The following EPHA6 variants were observed in gnomAD, a reference collection of about 807,000 sequenced individuals.
EPHA6 encodes EPH receptor A6, also known as ephrin type-A receptor 6.
Under a neutral mutation model 112.0 loss-of-function variants are expected in EPHA6, and 50 were observed. The observed-to-expected ratio is 0.45, with a 90% confidence interval of 0.36 to 0.56. EPHA6 has a LOEUF of 0.56. Among genes scored for constraint, EPHA6 ranks in the 20% least tolerant of loss-of-function variants. EPHA6 has a pLI of 0.00. For synonymous variants in EPHA6, 529 were observed against 490.7 expected, an observed-to-expected ratio of 1.08 and a Z score of -1.03; for missense variants, 1,280 against 1,417.4, an observed-to-expected ratio of 0.90 and a Z score of 1.56.
intron 14 of EPHA6, among the ~76,000 whole-genome samples, 167 bp downstream of exon 14, chr3:97,638,249 T>TAAC (rs1053376841): frequency 2.0e-5 from 3 of 152,174 alleles, no homozygotes; most frequent in African/African-American, 4.8e-5. Context: ...GTCTAGTTTA[T>TAAC]AACAACAACA....
chr3:96,850,855 G>T (rs1206203058), intron 1 of EPHA6, among the ~76,000 whole-genome samples: 1 of 151,928 alleles, frequency 6.6e-6, no homozygotes, highest in Non-Finnish European at 1.5e-5. Context: ...AGCTCACAGA[G>T]ATTTTTGTAA....
At position 97,368,987 on chromosome 3, in the gene EPHA6, TATCTA is replaced by T. The variant is rs1428769883; in HGVS notation, c.1607-36161_1607-36157del. On this transcript the variant is annotated intron_variant, in intron 5 of 17. Transcript: ENST00000389672. ...CAAAGGTTAAAGAAAAAAGATCTGA[TATCTA>T]AGTTTATTTCTGAAGAATGAGAATA... Among the ~76,000 whole-genome samples the T allele has an allele frequency of 4.4e-4, 67 of 152,298 alleles. 1 individual carries two copies. Among genetic ancestry groups the T allele is most frequent in the African/African-American group, 1.3e-3 (56 of 41,578 alleles).
At chr3:97,648,129 T>G (rs2094080059) in intron 14 of EPHA6, among the ~76,000 whole-genome samples, 3 of 152,164 alleles carry the variant, frequency 2.0e-5, no homozygotes, top group South Asian at 4.1e-4. Flanking sequence ...TTGCATCGAT[T>G]TTGTGTTATC....
chr3:97,055,907 G>GA (rs1345743792), intron 3 of EPHA6, among the ~76,000 whole-genome samples: 1 of 152,052 alleles, frequency 6.6e-6, no homozygotes, highest in African/African-American at 2.4e-5. Context: ...AACTTGGGAA[G>GA]ATTTTGATCT....
At chr3:97,230,535 C>T (rs1472693115) in intron 4 of EPHA6, among the ~76,000 whole-genome samples, 1 of 151,988 alleles carries the variant, frequency 6.6e-6, no homozygotes, top group Admixed American at 6.6e-5. Flanking sequence ...CATGGCTGGG[C>T]AGAATTTTAG....
intron 14 of EPHA6, among the ~76,000 whole-genome samples, chr3:97,664,697 A>G (rs2094193602): frequency 6.6e-6 from 1 of 152,226 alleles, no homozygotes; most frequent in Admixed American, 6.5e-5. Flanking sequence ...AAAGAGCCAA[A>G]TCATGAGTGA....
intron 5 of EPHA6, among the ~76,000 whole-genome samples, chr3:97,295,637 A>G (rs946235496): frequency 4.9e-5 from 7 of 143,692 alleles, no homozygotes; most frequent in African/African-American, 1.8e-4. Context: ...TCTTGTCTTT[A>G]TGTTGTATCT....
chr3:97,346,046 TATACTG>T (rs1451598871), intron 5 of EPHA6, among the ~76,000 whole-genome samples: 1 of 152,156 alleles, frequency 6.6e-6, no homozygotes, highest in Non-Finnish European at 1.5e-5. Context: ...CATAAAAATC[TATACTG>T]CATTGGTGGA....
intron 7 of EPHA6, among the ~76,000 whole-genome samples, chr3:97,469,017 TG>T (rs2091146058): frequency 6.6e-6 from 1 of 151,778 alleles, no homozygotes; most frequent in African/African-American, 2.4e-5. Flanking sequence ...TAGAATAGTT[TG>T]GAGGCAAACG....
chr3:97,214,495 A>G (rs550208021), intron 3 of EPHA6, among the ~76,000 whole-genome samples: 79 of 151,522 alleles, frequency 5.2e-4, no homozygotes, highest in Non-Finnish European at 8.7e-4. Flanking sequence ...AAAAAAAAAA[A>G]AAAAGAAAAG....
At chr3:97,665,324 A>G (rs926847719) in intron 14 of EPHA6, among the ~76,000 whole-genome samples, 6 of 152,242 alleles carry the variant, frequency 3.9e-5, no homozygotes, top group Admixed American at 6.5e-5. Flanking sequence ...GTAATTCAAG[A>G]TGGATTAAAG....
intron 12 of EPHA6, among the ~76,000 whole-genome samples, chr3:97,598,988 G>C (rs2093619588): frequency 6.6e-6 from 1 of 151,854 alleles, no homozygotes; most frequent in Non-Finnish European, 1.5e-5. Context: ...TCTCATTGTG[G>C]TTTTGATTTG....
At chr3:97,284,611 G>C (rs2080402627) in intron 5 of EPHA6, among the ~76,000 whole-genome samples, 1 of 152,084 alleles carries the variant, frequency 6.6e-6, no homozygotes, top group Non-Finnish European at 1.5e-5. Flanking sequence ...CATACACTAA[G>C]AGTACACTCA....
chr3:96,979,396 C>A (rs1297076169), intron 2 of EPHA6, among the ~76,000 whole-genome samples: 3 of 152,108 alleles, frequency 2.0e-5, no homozygotes, highest in African/African-American at 4.8e-5. Context: ...TTTTTTGTGG[C>A]TGCATAGTAT....
intron 3 of EPHA6, among the ~76,000 whole-genome samples, chr3:96,998,616 G>A (rs182436556): frequency 7.9e-5 from 12 of 151,894 alleles, no homozygotes; most frequent in East Asian, 5.8e-4. Context: ...ATGATCTGCC[G>A]ACAATTTAAT....
At chr3:97,653,768 A>C (rs1346259114) in intron 14 of EPHA6, among the ~76,000 whole-genome samples, 1 of 151,988 alleles carries the variant, frequency 6.6e-6, no homozygotes, top group Non-Finnish European at 1.5e-5. Flanking sequence ...TTTCTTTTTG[A>C]ATGAATGGAT....
intron 2 of EPHA6, among the ~76,000 whole-genome samples, chr3:96,953,039 T>G (rs1302374851): frequency 1.3e-5 from 2 of 152,142 alleles, no homozygotes; most frequent in African/African-American, 4.8e-5. Context: ...AATTAAAACA[T>G]TTAACACAAA....
intron 11 of EPHA6, among the ~76,000 whole-genome samples, chr3:97,572,496 GTTTTATGCTGATA>G (rs1220573063): frequency 6.6e-6 from 1 of 151,806 alleles, no homozygotes; most frequent in Non-Finnish European, 1.5e-5. Flanking sequence ...TTTTGTCTTT[GTTTTATGCTGATA>G]TTTTAACATG....
At chr3:97,483,613 A>G (rs1432987130) in intron 9 of EPHA6, among the ~76,000 whole-genome samples, 1 of 152,196 alleles carries the variant, frequency 6.6e-6, no homozygotes, top group Non-Finnish European at 1.5e-5. Flanking sequence ...TCCCCAAGCT[A>G]GAGCAGATGT....
Sources: allele counts gnomAD v4.1 joint callset (sites outside exome capture counted in the v4.1 genomes callset), GRCh38; gene constraint gnomAD v4.1.1; transcripts MANE v1.5; gene names NCBI Gene and HGNC (gene_info 2026-07-23, HGNC 2026-07-21).